Variants in COL19A1 observed in about 807,000 individuals in gnomAD.
COL19A1 encodes the protein collagen type XIX alpha 1 chain.
In COL19A1, 159 loss-of-function variants were observed where a neutral mutation model predicts 190.2. The ratio of observed to expected loss-of-function variants is 0.84; its 90% CI spans 0.73 to 0.95. The LOEUF is 0.95. COL19A1 is among the 40% of genes least tolerant of loss of function. The pLI is 0.00. For synonymous variants in COL19A1, 509 were observed against 458.9 expected, an observed-to-expected ratio of 1.11 and a Z score of -1.39; for missense variants, 1,418 against 1,431.9, an observed-to-expected ratio of 0.99 and a Z score of 0.16.
At chr6:70,077,628 G>C (rs982763467) in intron 15 of COL19A1, among the ~76,000 whole-genome samples, 1 of 151,994 alleles carries the variant, frequency 6.6e-6, no homozygotes, top group African/African-American at 2.4e-5. Context: ...CTGTATTATG[G>C]TGTCATTTTT....
chr6:70,117,347 G>T (rs1784635912), intron 16 of COL19A1, among the ~76,000 whole-genome samples: 1 of 152,146 alleles, frequency 6.6e-6, no homozygotes, highest in Non-Finnish European at 1.5e-5. Flanking sequence ...TTAAACTTTG[G>T]GAATGTGCAG....
intron 4 of COL19A1, among the ~76,000 whole-genome samples, chr6:69,919,642 T>A (rs1157897179): frequency 6.6e-6 from 1 of 152,172 alleles, no homozygotes; most frequent in Non-Finnish European, 1.5e-5. Flanking sequence ...CAAATATAAT[T>A]CATTCTTAAA....
At chr6:70,077,889 A>G (rs1781983996) in intron 15 of COL19A1, among the ~76,000 whole-genome samples, 1 of 151,682 alleles carries the variant, frequency 6.6e-6, no homozygotes, top group Non-Finnish European at 1.5e-5. Flanking sequence ...ATACAATGAA[A>G]AGAGCAAGAT....
chr6:69,981,646 A>G (rs1776037619), intron 11 of COL19A1, among the ~76,000 whole-genome samples: 1 of 151,840 alleles, frequency 6.6e-6, no homozygotes, highest in African/African-American at 2.4e-5. Context: ...ATTATATTAT[A>G]TATATTCTTC....
chr6:70,054,135 A>G (rs562623986), intron 14 of COL19A1, among the ~76,000 whole-genome samples: 2 of 152,202 alleles, frequency 1.3e-5, no homozygotes, highest in Non-Finnish European at 2.9e-5. Flanking sequence ...GGATTGCCTG[A>G]GATCAGGAGT....
chr6:70,133,515 G>T (rs548774432), intron 18 of COL19A1, among the ~76,000 whole-genome samples: 1 of 152,158 alleles, frequency 6.6e-6, no homozygotes, highest in Non-Finnish European at 1.5e-5. Flanking sequence ...TGTGGTGAAG[G>T]GATAATGTAC....
At chr6:70,007,521 G>C (rs1317775253) in intron 11 of COL19A1, among the ~76,000 whole-genome samples, 1 of 151,924 alleles carries the variant, frequency 6.6e-6, no homozygotes, top group Non-Finnish European at 1.5e-5. Flanking sequence ...CAATATAGCA[G>C]GAAGATATAG....
chr6:70,041,895 TA>T lies in COL19A1; in HGVS notation c.1170+5963del, dbSNP rs1254275163. Among the ~76,000 whole-genome samples, 8 of 150,442 alleles carry T rather than the reference TA, an allele frequency of 5.3e-5. No homozygotes were observed. In the South Asian group the frequency reaches 1.1e-3, roughly 20 times the overall value. Reference sequence around the variant, plus strand: ...GGCAAAACCTCATCTCTACTACAAATAAAAAAATAAAAGTAAAAAAAAAATA... The same window carrying T: ...GGCAAAACCTCATCTCTACTACAAATAAAAAATAAAAGTAAAAAAAAAATA... On this transcript the variant is annotated intron_variant, in intron 14 of 50. Coordinates refer to ENST00000620364, the MANE Select transcript of COL19A1 (RefSeq NM_001858.6).
chr6:70,101,066 T>C (rs897333964), intron 15 of COL19A1, among the ~76,000 whole-genome samples: 3 of 152,150 alleles, frequency 2.0e-5, no homozygotes, highest in Non-Finnish European at 2.9e-5. Context: ...AGCAAGAAAA[T>C]TGGTGAATAA....
At chr6:70,187,432 CACAT>C (rs1766600549) in intron 46 of COL19A1, among the ~76,000 whole-genome samples, 1 of 130,524 alleles carries the variant, frequency 7.7e-6, no homozygotes, top group African/African-American at 2.7e-5. Flanking sequence ...GTGGGGAGAG[CACAT>C]GATTTAGGAG....
intron 15 of COL19A1, among the ~76,000 whole-genome samples, chr6:70,072,484 C>T (rs1470163853): frequency 6.6e-6 from 1 of 152,082 alleles, no homozygotes; most frequent in African/African-American, 2.4e-5. Flanking sequence ...TTGCTGGATC[C>T]TAATTTTGAT....
At chr6:70,155,278 T>C (rs1189642137) in intron 31 of COL19A1, among the ~76,000 whole-genome samples, 2 of 152,162 alleles carry the variant, frequency 1.3e-5, no homozygotes, top group Non-Finnish European at 2.9e-5. Context: ...GATGGAAGAA[T>C]GGAAACTTAA....
intron 20 of COL19A1, among the ~76,000 whole-genome samples, chr6:70,141,274 A>C (rs1272964137): frequency 1.3e-5 from 2 of 152,138 alleles, no homozygotes; most frequent in African/African-American, 4.8e-5. Context: ...TATACAAGAC[A>C]TCCATGTAGG....
intron 11 of COL19A1, among the ~76,000 whole-genome samples, chr6:70,005,693 T>G (rs1016814469): frequency 7.2e-5 from 11 of 151,784 alleles, no homozygotes; most frequent in African/African-American, 2.4e-4. Flanking sequence ...GTGGAGGGGG[T>G]GTGCTTTGCT....
In COL19A1 at chr6:69,942,976, A is replaced by G. The variant is rs78137946; in HGVS notation, c.936+4876A>G. On this transcript the variant is annotated intron_variant, in intron 9 of 50. Coordinates refer to ENST00000620364, the MANE Select transcript of COL19A1 (RefSeq NM_001858.6). ...TTTTAGTTTTTTGAGGCATTTCCAT[A>G]CTGTTCTCCATAATAGCTATACTAA... Among the ~76,000 whole-genome samples the G allele has an allele frequency of 5.5e-3, 833 of 152,126 alleles. 19 individuals are homozygous for G. The East Asian group carries it at 0.069, about 13-fold the overall frequency.
chr6:69,872,234 A>G (rs1419219204), intron 1 of COL19A1, among the ~76,000 whole-genome samples: 2 of 152,188 alleles, frequency 1.3e-5, no homozygotes, highest in Non-Finnish European at 2.9e-5. Context: ...CTCTGTGACC[A>G]GAGTGGTACA....
At chr6:69,937,453 C>T (rs1277198636) in intron 8 of COL19A1, among the ~76,000 whole-genome samples, 1 of 152,102 alleles carries the variant, frequency 6.6e-6, no homozygotes, top group Non-Finnish European at 1.5e-5. Flanking sequence ...GTCAAGAAGG[C>T]TGTGCCATGG....
rs190692470 is a variant in COL19A1, at chr6:70,102,123, A to T, written c.1225-46A>T. On this transcript the variant is annotated intron_variant, in intron 15 of 50. Transcript: ENST00000620364. ...ATTTAATATTGTTTGATATTAAAATATAATGGAGTCACAGTATTTATCATC... is the reference window on the plus strand; with the variant it reads ...ATTTAATATTGTTTGATATTAAAATTTAATGGAGTCACAGTATTTATCATC... 64 of 1,405,336 alleles carry T rather than the reference A, an allele frequency of 4.6e-5. No homozygotes were observed. In the African/African-American group the frequency reaches 8.0e-4, roughly 18 times the overall value. 87.1% of individuals were successfully genotyped at this position (1,405,336 alleles called of 1,614,324 possible). A position where few individuals can be genotyped will look rare whatever the true frequency, so the allele number is the denominator to read the frequency against.
chr6:70,135,502 C>G lies in COL19A1; in HGVS notation c.1384-2183C>G, dbSNP rs568073179. Reference sequence around the variant, plus strand: ...TGCTTTGGGGATTCCAAGGATTCTACGAGTTGTATGCCAGGAAACTGGGAG... The same window carrying G: ...TGCTTTGGGGATTCCAAGGATTCTAGGAGTTGTATGCCAGGAAACTGGGAG... On this transcript the variant is annotated intron_variant, in intron 18 of 50. Transcript: ENST00000620364. Among the ~76,000 whole-genome samples the G allele has an allele frequency of 1.1e-4, 16 of 152,210 alleles. No individual in the cohort carries two copies. In the South Asian group the frequency reaches 3.3e-3, roughly 32 times the overall value.
Sources: gnomAD v4.1 joint callset for allele counts (sites outside exome capture counted in the v4.1 genomes callset) on GRCh38, gnomAD v4.1.1 for gene constraint, MANE v1.5 for transcripts, NCBI Gene and HGNC (gene_info 2026-07-23, HGNC 2026-07-21) for gene names.